The following CELF2 variants were observed in gnomAD, a reference collection of about 807,000 sequenced individuals.
CELF2 encodes the protein CUGBP Elav-like family member 2, also known as CUG triplet repeat RNA-binding protein 2.
Under a neutral mutation model 62.6 loss-of-function variants are expected in CELF2, and 8 were observed. The ratio of observed to expected loss-of-function variants is 0.13; its 90% confidence interval spans 0.07 to 0.23. The LOEUF is 0.23. Ranked by LOEUF, CELF2 falls within the 10% of genes least tolerant of loss-of-function variation. CELF2 has a pLI of 1.00. For missense variants in CELF2, 333 were observed against 671.0 expected (o/e 0.50, Z 5.56); for synonymous variants, 258 against 250.0 (o/e 1.03, Z -0.30).
chr10:10,844,236 C>A (rs1036055784), intron 1 of CELF2, among the ~76,000 whole-genome samples: 3 of 151,956 alleles, frequency 2.0e-5, no homozygotes, highest in Non-Finnish European at 4.4e-5. Context: ...GGTCAAATTT[C>A]TTTCTGGTTT....
At position 11,242,569 on chromosome 10, in the gene CELF2, G is replaced by T. The variant is rs145967428; in HGVS notation, c.355-6584G>T. On this transcript the variant is annotated intron_variant, in intron 3 of 12. Coordinates refer to ENST00000633077, the MANE Select transcript of CELF2 (RefSeq NM_001326342.2). This position sits in a 1 kb window ranked among gnomAD's most constrained non-coding sequence, Gnocchi z 4.8. The stretch of plus-strand genomic sequence containing the variant: ...CGGCACCAGGTGGTGACAGCTGTTG[G>T]CAGAGCTGTGTGCAGCGCTCTGTGC... Among the ~76,000 whole-genome samples, 26 of 152,356 alleles carry T rather than the reference G, an allele frequency of 1.7e-4. No individual in the cohort carries two copies. The highest frequency in any genetic ancestry group is 3.2e-4 in the Non-Finnish European group (22 of 68,026).
chr10:10,634,716 C>T, the CELF2 span, among the ~76,000 whole-genome samples: 13 of 149,500 alleles, frequency 8.7e-5, no homozygotes, highest in Admixed American at 2.0e-4. Context: ...GGCTGGAGTG[C>T]AGTGGTGTGA....
chr10:10,708,659 C>T, the CELF2 span, among the ~76,000 whole-genome samples: 2 of 152,178 alleles, frequency 1.3e-5, no homozygotes, highest in Admixed American at 1.3e-4. Flanking sequence ...TTTCTCTTCT[C>T]TTCCTCTCTT....
intron 2 of CELF2, among the ~76,000 whole-genome samples, chr10:10,941,813 G>A (rs2047078874): frequency 6.6e-6 from 1 of 152,086 alleles, no homozygotes; most frequent in Non-Finnish European, 1.5e-5. Context: ...GGCCAACATA[G>A]TGAAATTCCT....
At chr10:10,799,115 A>AT (rs1193665938) in intron 1 of CELF2, among the ~76,000 whole-genome samples, 2 of 152,250 alleles carry the variant, frequency 1.3e-5, no homozygotes, top group Admixed American at 1.3e-4. Flanking sequence ...CTCATATTGA[A>AT]TTTTTGGGCT....
intron 3 of CELF2, among the ~76,000 whole-genome samples, chr10:11,228,793 C>T (rs1047150523): frequency 6.6e-6 from 1 of 150,944 alleles, no homozygotes; most frequent in African/African-American, 2.4e-5. Context: ...ACTGAGTTAA[C>T]CTGAATCACT....
chr10:11,038,217 G>C (rs988918730), intron 1 of CELF2, among the ~76,000 whole-genome samples: 1 of 152,168 alleles, frequency 6.6e-6, no homozygotes. Flanking sequence ...GCGTTCAGGG[G>C]GTGAACATAG....
intron 1 of CELF2, among the ~76,000 whole-genome samples, chr10:11,108,348 G>T (rs1595444033): frequency 6.7e-6 from 1 of 149,534 alleles, no homozygotes; most frequent in Non-Finnish European, 1.5e-5. Flanking sequence ...CTGGTTCACT[G>T]TTTTTTTGTT....
At chr10:11,281,912 G>T (rs988503826) in intron 8 of CELF2, among the ~76,000 whole-genome samples, 1 of 152,090 alleles carries the variant, frequency 6.6e-6, no homozygotes, top group East Asian at 1.9e-4. Flanking sequence ...CACAAAATTC[G>T]TACTGGCCCC....
At chr10:10,674,452 CTTG>C in the CELF2 span, among the ~76,000 whole-genome samples, 4 of 152,144 alleles carry the variant, frequency 2.6e-5, no homozygotes, top group Non-Finnish European at 5.9e-5. Flanking sequence ...GCAATTGAGT[CTTG>C]TTGTTTGATC....
intron 1 of CELF2, among the ~76,000 whole-genome samples, chr10:10,861,762 C>G (rs1404632996): frequency 6.6e-6 from 1 of 152,096 alleles, no homozygotes; most frequent in Non-Finnish European, 1.5e-5. Flanking sequence ...TCTGATTCCC[C>G]TAGATGATAT....
intron 1 of CELF2, among the ~76,000 whole-genome samples, chr10:10,824,987 G>A (rs976512508): frequency 2.6e-5 from 4 of 152,110 alleles, no homozygotes; most frequent in African/African-American, 4.8e-5. Flanking sequence ...GTTTCCCGGG[G>A]CATACTGTTT....
the CELF2 span, among the ~76,000 whole-genome samples, chr10:10,580,462 C>T: frequency 6.6e-6 from 1 of 152,122 alleles, no homozygotes; most frequent in African/African-American, 2.4e-5. Flanking sequence ...AGCTCACAAC[C>T]TGTTCCTGTT....
At position 10,983,058 on chromosome 10, in the gene CELF2, C is replaced by T. The variant is rs1432119954; in HGVS notation, c.89+63059C>T. Among the ~76,000 whole-genome samples the T allele has an allele frequency of 6.6e-6, 1 of 152,136 alleles. No individual in the cohort carries two copies. The highest frequency in any genetic ancestry group is 1.5e-5 in the Non-Finnish European group (1 of 68,024). ...TAATGGGATATTAGCCCTTTACTGA[C>T]TTGGAGGTTGCATCTTCTCAATCCG... On this transcript the variant is annotated intron_variant, in intron 2 of 13. Coordinates refer to the CELF2 transcript ENST00000636488. This position sits in a 1 kb window ranked among gnomAD's most constrained non-coding sequence, Gnocchi z 5.2.
the CELF2 span, among the ~76,000 whole-genome samples, chr10:10,660,601 T>C: frequency 6.6e-6 from 1 of 152,212 alleles, no homozygotes; most frequent in Non-Finnish European, 1.5e-5. Flanking sequence ...TACAATCAAT[T>C]CCTTCACCTC....
chr10:11,177,946 C>T lies in CELF2; in HGVS notation c.271+12264C>T, dbSNP rs1380614554. 6.6e-6 allele frequency among the ~76,000 whole-genome samples: 1 copy of T among 152,116 alleles called. No homozygotes were observed. The highest frequency in any genetic ancestry group is 1.5e-5 in the Non-Finnish European group (1 of 68,014). ...CCTGGTGGTGGCCTTAGAAGACAGC[C>T]CCTGTGAGGCTCAGTAAGCCGCAGC... On this transcript the variant is annotated intron_variant, in intron 2 of 12. Transcript: ENST00000633077. This position sits in a 1 kb window ranked among gnomAD's most constrained non-coding sequence, Gnocchi z 4.8.
At chr10:10,630,387 C>T in the CELF2 span, among the ~76,000 whole-genome samples, 1 of 152,140 alleles carries the variant, frequency 6.6e-6, no homozygotes, top group Non-Finnish European at 1.5e-5. Context: ...AATGCTGTGT[C>T]GTCTGAGCAG....
intron 1 of CELF2, among the ~76,000 whole-genome samples, chr10:11,142,618 G>T (rs1180919810): frequency 6.7e-6 from 1 of 149,478 alleles, no homozygotes; most frequent in African/African-American, 2.5e-5. Context: ...CGGGAGGTAG[G>T]GCTTGCAGTG....
At chr10:10,477,302 T>C in the CELF2 span, among the ~76,000 whole-genome samples, 3 of 152,136 alleles carry the variant, frequency 2.0e-5, no homozygotes, top group African/African-American at 7.2e-5. Flanking sequence ...TTAAGGTTAT[T>C]AGAAAGAATG....
Sources: gnomAD v4.1 joint callset for allele counts (sites outside exome capture counted in the v4.1 genomes callset) on GRCh38, gnomAD v4.1.1 for gene constraint, Gnocchi (gnomAD v3.1) non-coding constraint, MANE v1.5 for transcripts, NCBI Gene and HGNC (gene_info 2026-07-23, HGNC 2026-07-21) for gene names.